Variants in PIEZO2 observed in about 807,000 individuals in gnomAD.
PIEZO2 encodes piezo type mechanosensitive ion channel component 2.
Under a neutral mutation model 337.3 loss-of-function variants are expected in PIEZO2, and 172 were observed. That is an observed-to-expected ratio of 0.51 (90% confidence interval 0.45 to 0.58). PIEZO2 has a LOEUF of 0.58. PIEZO2 is among the 20% of genes least tolerant of loss of function. The pLI is 0.00. For synonymous variants in PIEZO2, 1,251 were observed against 1,228.5 expected (o/e 1.02, Z -0.38); for missense variants, 3,028 against 3,391.3 (o/e 0.89, Z 2.66).
At chr18:10,970,806 C>T (rs928553255) in intron 3 of PIEZO2, among the ~76,000 whole-genome samples, 10 of 151,908 alleles carry the variant, frequency 6.6e-5, no homozygotes, top group East Asian at 5.8e-4. Context: ...TGCCCTATTA[C>T]GGGATGAGAT....
chr18:11,147,805 G>A (rs944904168), intron 1 of PIEZO2, among the ~76,000 whole-genome samples: 1 of 152,252 alleles, frequency 6.6e-6, no homozygotes, highest in Non-Finnish European at 1.5e-5. Flanking sequence ...GGGCGTCGAG[G>A]AGGCTCCCTT....
chr18:10,822,805 C>A (rs2040559334), intron 7 of PIEZO2, among the ~76,000 whole-genome samples: 1 of 152,092 alleles, frequency 6.6e-6, no homozygotes, highest in Non-Finnish European at 1.5e-5. Context: ...GGAGTATGAA[C>A]CAAAAGACAG....
chr18:11,053,852 C>T (rs1017202248), intron 2 of PIEZO2, among the ~76,000 whole-genome samples: 2 of 150,844 alleles, frequency 1.3e-5, no homozygotes, highest in Admixed American at 1.3e-4. Context: ...CCCGTCTCTA[C>T]TAAAAAAAAA....
In PIEZO2 at chr18:11,133,762, C is replaced by A. The variant is rs566974936; in HGVS notation, c.64+14763G>T. Reference sequence around the variant, plus strand: ...ACAGTCTATTGTGGGAACTTGTGATCGCGTAAGTTAATACTTAATAAACTC... The same window carrying A: ...ACAGTCTATTGTGGGAACTTGTGATAGCGTAAGTTAATACTTAATAAACTC... On this transcript the variant is annotated intron_variant, in intron 1 of 55. Transcript: ENST00000674853. 1.3e-3 allele frequency among the ~76,000 whole-genome samples: 197 copies of A among 151,482 alleles called. 1 individual carries two copies. The Middle Eastern group carries it at 0.014, about 10-fold the overall frequency.
chr18:10,776,137 T>C (rs1448093628), intron 18 of PIEZO2, among the ~76,000 whole-genome samples: 1 of 152,238 alleles, frequency 6.6e-6, no homozygotes, highest in East Asian at 1.9e-4. Flanking sequence ...CTCATTTTTA[T>C]GGTAACATTG....
rs756539343 is a variant in PIEZO2 at position 10,773,711 on chromosome 18, A to G, written c.2568-82T>C. 42 of 1,319,284 alleles carry G rather than the reference A, an allele frequency of 3.2e-5. No homozygotes were observed. The highest frequency in any genetic ancestry group is 3.7e-5 in the Non-Finnish European group (35 of 953,742). The allele number at this position is 1,319,284 out of a possible 1,614,324, so 81.7% of individuals were successfully genotyped here. ...TGAGGGGCAAGTAAAAGGAGGATAA[A>G]CACAAATGAAATCAGTGCATGTACA... is the stretch of plus-strand genomic sequence containing the variant. On this transcript the variant is annotated intron_variant, in intron 19 of 55. Coordinates refer to ENST00000674853, the MANE Select transcript of PIEZO2 (RefSeq NM_001378183.1). The surrounding 1 kb of genome is among the most constrained non-coding windows in gnomAD (Gnocchi z 5.3).
rs1457936938 is a variant in PIEZO2, at chr18:10,953,084, AT to A, written c.286+26450del. ...TCAAAAATTTTGCCCATTAAAAAAA[AT>A]GAGATGTTTCCTTAGTATTGAGTTT... is the stretch of plus-strand genomic sequence containing the variant. On this transcript the variant is annotated intron_variant, in intron 3 of 55. Coordinates refer to ENST00000674853, the MANE Select transcript of PIEZO2 (RefSeq NM_001378183.1). This position sits in a 1 kb window ranked among gnomAD's most constrained non-coding sequence, Gnocchi z 5.2. 5.3e-5 allele frequency among the ~76,000 whole-genome samples: 8 copies of A among 152,186 alleles called. No homozygotes were observed.
At chr18:10,702,252 CAATT>C in intron 42 of PIEZO2, 81 bp from the exon 43 acceptor site, 2 of 1,347,208 alleles carry the variant, frequency 1.5e-6, no homozygotes, top group Non-Finnish European at 2.0e-6. Flanking sequence ...AGCAATATAA[CAATT>C]AAGAAAGAGA....
At chr18:11,030,338 A>G (rs759546708) in intron 2 of PIEZO2, among the ~76,000 whole-genome samples, 17 of 152,246 alleles carry the variant, frequency 1.1e-4, no homozygotes, top group Non-Finnish European at 8.8e-5. Context: ...CTGATAATCA[A>G]GAAAAGAGAG....
chr18:10,781,946 A>G lies in PIEZO2; in HGVS notation c.2493-1580T>C, dbSNP rs1327111264. Among the ~76,000 whole-genome samples the G allele has an allele frequency of 6.6e-6, 1 of 151,956 alleles. No individual in the cohort carries two copies. The highest frequency in any genetic ancestry group is 1.5e-5 in the Non-Finnish European group (1 of 68,006). On this transcript the variant is annotated intron_variant, in intron 17 of 55. Transcript: ENST00000674853. The surrounding 1 kb of genome is among the most constrained non-coding windows in gnomAD (Gnocchi z 4.1). ...GACAGTCAATCCTAACTCTCAAAATATTCCTTTTTCTTCATCATTTTGATT... is the reference window on the plus strand; with the variant it reads ...GACAGTCAATCCTAACTCTCAAAATGTTCCTTTTTCTTCATCATTTTGATT...
At chr18:10,874,718 C>T (rs1262318047) in intron 4 of PIEZO2, among the ~76,000 whole-genome samples, 1 of 152,078 alleles carries the variant, frequency 6.6e-6, no homozygotes, top group Non-Finnish European at 1.5e-5. Context: ...AAGTCAGACA[C>T]ACAAAGACAA....
intron 2 of PIEZO2, among the ~76,000 whole-genome samples, chr18:11,026,214 G>T (rs2036536532): frequency 1.3e-5 from 2 of 152,194 alleles, no homozygotes; most frequent in South Asian, 4.2e-4. Flanking sequence ...AGTGGTTCTG[G>T]GTGCTTGTCT....
chr18:10,857,708 G>A lies in PIEZO2; in HGVS notation c.493-497C>T, dbSNP rs189982487. 2.1e-3 allele frequency among the ~76,000 whole-genome samples: 313 copies of A among 152,324 alleles called. 1 individual carries two copies. Among genetic ancestry groups the A allele is most frequent in the African/African-American group, 7.1e-3 (294 of 41,572 alleles). ...ATATTTCCTGACTGTGGAAGGATGA[G>A]TGGTCCCGGGCTTCTCTTGGCTAAA... On this transcript the variant is annotated intron_variant, in intron 5 of 55. Coordinates refer to ENST00000674853, the MANE Select transcript of PIEZO2 (RefSeq NM_001378183.1).
intron 4 of PIEZO2, among the ~76,000 whole-genome samples, chr18:10,897,647 A>G (rs572636644): frequency 6.6e-6 from 1 of 152,316 alleles, no homozygotes; most frequent in African/African-American, 2.4e-5. Context: ...TTCTTTATAA[A>G]TTACCCAGTC....
chr18:10,959,479 T>C (rs942483940), intron 3 of PIEZO2, among the ~76,000 whole-genome samples: 1 of 152,186 alleles, frequency 6.6e-6, no homozygotes, highest in Non-Finnish European at 1.5e-5. Flanking sequence ...CAATCCACTG[T>C]AAAGGTTGAC....
rs2041730338 is a variant in PIEZO2 at position 10,857,171 on chromosome 18, T to C, written c.533A>G (p.Tyr178Cys). The C allele has an allele frequency of 6.5e-7, 1 of 1,537,894 alleles. No homozygotes were observed. Among genetic ancestry groups the C allele is most frequent in the Non-Finnish European group, 8.7e-7 (1 of 1,147,040 alleles). Residue 178 changes from tyrosine (Y) to cysteine (C), a missense_variant, in exon 6 of 56, where the codon TAT (tyrosine) becomes TGT (cysteine). Tyr to Cys is a radical substitution (Grantham distance 194). Coordinates refer to ENST00000674853, the MANE Select transcript of PIEZO2 (RefSeq NM_001378183.1). ...ATCTCCTCCATTGAAATCCTCTTCA[T>C]AGATCAGTGCCTCTTCTGAATCAAT... ...EKIDSEEALI[Y>C]EEDFNGGDGV...
intron 22 of PIEZO2, 48 bp downstream of exon 22, chr18:10,762,874 G>C: frequency 6.6e-7 from 1 of 1,514,480 alleles, no homozygotes; most frequent in Non-Finnish European, 8.8e-7. Context: ...TATCTGCCTT[G>C]CTTTGCTAAA....
intron 1 of PIEZO2, among the ~76,000 whole-genome samples, chr18:11,136,480 G>A (rs1382222256): frequency 2.0e-5 from 3 of 152,240 alleles, no homozygotes; most frequent in African/African-American, 7.2e-5. Context: ...TAGCAGCCTT[G>A]TCTGGCCTGC....
chr18:11,068,244 C>T (rs2038217534), intron 1 of PIEZO2, among the ~76,000 whole-genome samples: 1 of 152,146 alleles, frequency 6.6e-6, no homozygotes, highest in African/African-American at 2.4e-5. Context: ...CTTAAGCACA[C>T]ATGGAGGATT....
Sources: gnomAD v4.1 joint callset for allele counts (sites outside exome capture counted in the v4.1 genomes callset) on GRCh38, gnomAD v4.1.1 for gene constraint, Gnocchi (gnomAD v3.1) non-coding constraint, MANE v1.5 for transcripts, NCBI Gene and HGNC (gene_info 2026-07-23, HGNC 2026-07-21) for gene names.